MUC7: variants seen among roughly 807,000 people sequenced by gnomAD.
The protein encoded by MUC7 is mucin 7, secreted.
A neutral mutation model predicts 2.5 loss-of-function variants in MUC7; 2 were observed. That is an observed-to-expected ratio of 0.81 (90% CI 0.33 to 2.55). The LOEUF is 2.55. Among genes scored for constraint, MUC7 ranks in the 30% most tolerant of loss-of-function variants. The pLI is 0.11. For synonymous variants in MUC7, 133 were observed against 173.4 expected, an observed-to-expected ratio of 0.77 and a Z score of 1.83; for missense variants, 408 against 455.6, an observed-to-expected ratio of 0.90 and a Z score of 0.95.
At chr4:70,470,072 C>T (rs1325869979), upstream of MUC7, among the ~76,000 whole-genome samples, 4 of 152,086 alleles carry the variant, frequency 2.6e-5, no homozygotes, top group Non-Finnish European at 5.9e-5. Flanking sequence ...GAATACTATG[C>T]AGCCATAAAA....
At chr4:70,480,743 C>A (rs376813595) in intron 2 of MUC7, 56 bp from the exon 3 acceptor site, 271 of 1,567,704 alleles carry the variant, frequency 1.7e-4, no homozygotes, top group Non-Finnish European at 2.3e-4. Context: ...GCAGTGATCA[C>A]CTGATTGATA....
chr4:70,435,873 A>C (rs572212700), intron 1 of MUC7, among the ~76,000 whole-genome samples: 1 of 152,284 alleles, frequency 6.6e-6, no homozygotes, highest in South Asian at 2.1e-4. Context: ...TGCTTCCTTC[A>C]GGAACTCTTG....
intron 1 of MUC7, among the ~76,000 whole-genome samples, chr4:70,441,341 G>T (rs1239234968): frequency 6.6e-6 from 1 of 152,114 alleles, no homozygotes; most frequent in Non-Finnish European, 1.5e-5. Context: ...ACCATTAAAT[G>T]ACCCAAAATG....
Position 70,482,906 on chromosome 4 carries a change from A to T in MUC7, c.*1028A>T. 1 of 152,392 alleles carries T rather than the reference A, an allele frequency of 6.6e-6. No individual in the cohort carries two copies. 9.4% of individuals were successfully genotyped at this position (152,392 alleles called of 1,614,324 possible). On this transcript the variant is annotated 3_prime_UTR_variant, in exon 3 of 3. Transcript: ENST00000304887. The stretch of plus-strand genomic sequence containing the variant: ...ACGGAGATGTTAATTTGGGATATGG[A>T]GGCATTTTTATCTTCTGTCACTACT...
In MUC7 at chr4:70,472,198, T is replaced by A. The variant is rs1337217408; in HGVS notation, c.-109T>A. On this transcript the variant is annotated 5_prime_UTR_variant, in exon 1 of 3. Coordinates refer to ENST00000304887, the MANE Select transcript of MUC7 (RefSeq NM_152291.3). Reference sequence around the variant, plus strand: ...AACCTGAAAATTCTCTTGTGCTTTCTCTTCTTTTGCTTCTAGTTACCATCC... The same window carrying A: ...AACCTGAAAATTCTCTTGTGCTTTCACTTCTTTTGCTTCTAGTTACCATCC... The A allele has an allele frequency of 6.6e-6, 1 of 152,214 alleles. No individual in the cohort carries two copies. Among genetic ancestry groups the A allele is most frequent in the Non-Finnish European group, 1.5e-5 (1 of 68,034 alleles). The allele number at this position is 152,214 out of a possible 1,614,324, so 9.4% of individuals were successfully genotyped here.
At position 70,482,174 on chromosome 4, in the gene MUC7, C is replaced by T. The variant is rs111479994; in HGVS notation, c.*296C>T. The stretch of plus-strand genomic sequence containing the variant: ...AGATAAAGAGAGAATATTGTATGGG[C>T]CATCAACCATTTACTTTTCCCTGAA... On this transcript the variant is annotated 3_prime_UTR_variant, in exon 3 of 3. Transcript: ENST00000304887. The T allele has an allele frequency of 9.2e-6, 3 of 326,700 alleles. No homozygotes were observed. The highest frequency in any genetic ancestry group is 4.2e-5 in the African/African-American group (2 of 47,256). 20.2% of individuals were successfully genotyped at this position (326,700 alleles called of 1,614,324 possible).
Position 70,481,831 on chromosome 4 carries a change from A to G in MUC7, c.1087A>G (p.Met363Val), listed in dbSNP as rs979085189. 6 of 1,614,104 alleles carry G rather than the reference A, an allele frequency of 3.7e-6. No homozygotes were observed. Among genetic ancestry groups the G allele is most frequent in the South Asian group, 1.1e-5 (1 of 91,088 alleles). ...TAAAATTTCTCGATTTCTTTTATAT[A>G]TGAAGAATCTACTAAACAGAATTAT... ...QNKISRFLLY[M>V]KNLLNRIIDD... The change falls in exon 3 of 3, where the codon ATG becomes GTG. Residue 363 changes from methionine to valine, a missense_variant. Coordinates refer to ENST00000304887, the MANE Select transcript of MUC7 (RefSeq NM_152291.3).
At chr4:70,452,839 C>G (rs1445870467) in intron 1 of MUC7, among the ~76,000 whole-genome samples, 1 of 152,154 alleles carries the variant, frequency 6.6e-6, no homozygotes, top group Non-Finnish European at 1.5e-5. Flanking sequence ...TCTTTCAGAT[C>G]AAAGAATTCC....
At position 70,481,946 on chromosome 4, in the gene MUC7, T is replaced by C; in HGVS notation, c.*68T>C. On this transcript the variant is annotated 3_prime_UTR_variant, in exon 3 of 3. Coordinates refer to ENST00000304887, the MANE Select transcript of MUC7 (RefSeq NM_152291.3). ...ATTCATGAGTGCAGAACTACCACCT[T>C]TCTTTTAGCACCAATCCCAACATGA... is the stretch of plus-strand genomic sequence containing the variant. 1 of 1,514,676 alleles carries C rather than the reference T, an allele frequency of 6.6e-7. No individual in the cohort carries two copies. Among genetic ancestry groups the C allele is most frequent in the Non-Finnish European group, 8.9e-7 (1 of 1,122,250 alleles). 93.8% of individuals were successfully genotyped at this position (1,514,676 alleles called of 1,614,324 possible).
intron 1 of MUC7, among the ~76,000 whole-genome samples, chr4:70,461,525 C>T (rs1734556323): frequency 6.6e-6 from 1 of 152,202 alleles, no homozygotes; most frequent in African/African-American, 2.4e-5. Context: ...ATCCTTCTAT[C>T]TCTTGTAGAG....
At chr4:70,460,175 G>A (rs1272180009) in intron 1 of MUC7, among the ~76,000 whole-genome samples, 1 of 151,802 alleles carries the variant, frequency 6.6e-6, no homozygotes, top group Non-Finnish European at 1.5e-5. Context: ...CACTATAGAC[G>A]GCTAGATGTA....
chr4:70,450,850 C>G (rs1734261510), intron 1 of MUC7, among the ~76,000 whole-genome samples: 1 of 152,142 alleles, frequency 6.6e-6, no homozygotes, highest in African/African-American at 2.4e-5. Flanking sequence ...CCACCCTTCC[C>G]TTTCTCTCCT....
At chr4:70,446,263 A>T (rs1734131571) in intron 1 of MUC7, among the ~76,000 whole-genome samples, 1 of 152,232 alleles carries the variant, frequency 6.6e-6, no homozygotes, top group Non-Finnish European at 1.5e-5. Flanking sequence ...GATATTACTT[A>T]CTAAGAAACC....
upstream of MUC7, among the ~76,000 whole-genome samples, chr4:70,469,350 A>G (rs374036964): frequency 1.3e-5 from 2 of 152,234 alleles, no homozygotes; most frequent in South Asian, 4.1e-4. Flanking sequence ...GGCATGGGCA[A>G]TGGCTTCATG....
intron 1 of MUC7, among the ~76,000 whole-genome samples, chr4:70,439,319 G>T (rs1434107090): frequency 6.6e-6 from 1 of 152,166 alleles, no homozygotes; most frequent in Non-Finnish European, 1.5e-5. Context: ...GTACGAGCTG[G>T]TTCCTTTAGC....
chr4:70,441,989 A>T (rs1423123159), intron 1 of MUC7, among the ~76,000 whole-genome samples: 2 of 152,232 alleles, frequency 1.3e-5, no homozygotes, highest in African/African-American at 4.8e-5. Context: ...ATTCAAAAAA[A>T]TGTGGAACAG....
In MUC7 at chr4:70,437,897, C is replaced by T. The variant is rs145850730; in HGVS notation, c.-93+7210C>T. ...TGCTTTTAAAAAAATCTATTCTTTA[C>T]CCTCACTAAGTCCTGGAAAGGTTCA... On this transcript the variant is annotated intron_variant, in intron 1 of 3. Transcript: ENST00000413702. Among the ~76,000 whole-genome samples, 155 of 152,260 alleles carry T rather than the reference C, an allele frequency of 1.0e-3. No individual in the cohort carries two copies. The Middle Eastern group carries it at 0.01, about 10-fold the overall frequency.
At chr4:70,460,468 T>A (rs6827170) in intron 1 of MUC7, among the ~76,000 whole-genome samples, 121,996 of 151,206 alleles carry the variant, frequency 0.81, 49,687 homozygotes, top group Admixed American at 0.88. Flanking sequence ...TTATGAAAAA[T>A]TCTTTTTTTT....
chr4:70,433,537 G>T (rs539050547), intron 1 of MUC7, among the ~76,000 whole-genome samples: 1 of 151,840 alleles, frequency 6.6e-6, no homozygotes, highest in Non-Finnish European at 1.5e-5. Flanking sequence ...GTTTGTTATT[G>T]GTGTATAGGA....
Sources: gnomAD v4.1 joint callset for allele counts (sites outside exome capture counted in the v4.1 genomes callset) on GRCh38, gnomAD v4.1.1 for gene constraint, MANE v1.5 for transcripts, NCBI Gene and HGNC (gene_info 2026-07-23, HGNC 2026-07-21) for gene names.